Variants in SNX29 observed in about 807,000 individuals in gnomAD.
SNX29 encodes sorting nexin-29.
SNX29 carries 78 observed loss-of-function variants against 102.1 expected under a neutral mutation model. The ratio of observed to expected loss-of-function variants is 0.76; its 90% confidence interval spans 0.64 to 0.92. The LOEUF (loss-of-function observed/expected upper bound fraction) is 0.92. Among genes scored for constraint, SNX29 ranks in the 40% least tolerant of loss-of-function variants. The probability of loss-of-function intolerance (pLI) is 0.00; values close to 1 mark genes in which losing one functional copy is unlikely to be tolerated. For missense variants in SNX29, 1,280 were observed against 1,061.7 expected (o/e 1.21, Z -2.86); for synonymous variants, 580 against 414.5 (o/e 1.40, Z -4.85).
intron 20 of SNX29, among the ~76,000 whole-genome samples, chr16:12,565,322 C>G (rs551727448): frequency 6.6e-4 from 100 of 152,326 alleles, no homozygotes; most frequent in African/African-American, 2.4e-3. Context: ...CCACTGTGCT[C>G]AGCAGTCTGG....
At chr16:12,564,609 C>T (rs145207921) in intron 20 of SNX29, among the ~76,000 whole-genome samples, 9 of 152,036 alleles carry the variant, frequency 5.9e-5, no homozygotes, top group East Asian at 3.9e-4. Context: ...GAAACTGTAA[C>T]AGACCTAGTC....
rs957064445 is a variant in SNX29 at position 12,079,512 on chromosome 16, T to C, written c.1402+597T>C. Reference sequence around the variant, plus strand: ...AGGCAGAGGGGGCACTTGTTCCCAATTAAAAAAAAAAATTAGCTTTTGTTG... The same window carrying C: ...AGGCAGAGGGGGCACTTGTTCCCAACTAAAAAAAAAAATTAGCTTTTGTTG... On this transcript the variant is annotated intron_variant, in intron 11 of 20. Transcript: ENST00000566228. Among the ~76,000 whole-genome samples, 4 of 141,658 alleles carry C rather than the reference T, an allele frequency of 2.8e-5. No individual in the cohort carries two copies. The South Asian group carries it at 8.8e-4, about 31-fold the overall frequency. 92.9% of individuals were successfully genotyped at this position (141,658 alleles called of 152,430 possible).
intron 15 of SNX29, among the ~76,000 whole-genome samples, chr16:12,329,097 C>T (rs1165159608): frequency 6.6e-6 from 1 of 151,506 alleles, no homozygotes. Context: ...CATCAGGAGA[C>T]CCAGTCTCTA....
chr16:12,101,625 C>G (rs1324933743), intron 11 of SNX29, among the ~76,000 whole-genome samples: 2 of 152,128 alleles, frequency 1.3e-5, no homozygotes, highest in Non-Finnish European at 2.9e-5. Flanking sequence ...CTCAAGTGAT[C>G]TGCCTGCCTT....
chr16:12,487,850 T>C (rs910842536), intron 19 of SNX29, among the ~76,000 whole-genome samples: 3 of 152,218 alleles, frequency 2.0e-5, no homozygotes, highest in Non-Finnish European at 4.4e-5. Flanking sequence ...AACCACCATG[T>C]AAATATTCCT....
Position 12,098,266 on chromosome 16 carries a change from T to C in SNX29, c.1402+19351T>C, listed in dbSNP as rs1156889712. On this transcript the variant is annotated intron_variant, in intron 11 of 20. Transcript: ENST00000566228. The surrounding 1 kb of genome is among the most constrained non-coding windows in gnomAD (Gnocchi z 6.0). Reference sequence around the variant, plus strand: ...AAAAATTTGTATTTAAATTTTTGTTTTGCATAAGTATATATTTACATGGAA... The same window carrying C: ...AAAAATTTGTATTTAAATTTTTGTTCTGCATAAGTATATATTTACATGGAA... Among the ~76,000 whole-genome samples, 2 of 152,204 alleles carry C rather than the reference T, an allele frequency of 1.3e-5. No individual in the cohort carries two copies. The highest frequency in any genetic ancestry group is 2.9e-5 in the Non-Finnish European group (2 of 68,030).
At chr16:12,371,560 C>T (rs1461507927) in intron 16 of SNX29, among the ~76,000 whole-genome samples, 5 of 152,232 alleles carry the variant, frequency 3.3e-5, no homozygotes, top group Non-Finnish European at 7.3e-5. Flanking sequence ...CTGCCTCAGC[C>T]TCCCAAAGTG....
intron 20 of SNX29, among the ~76,000 whole-genome samples, chr16:12,536,524 C>A (rs971652206): frequency 2.0e-5 from 3 of 152,150 alleles, no homozygotes; most frequent in Non-Finnish European, 4.4e-5. Context: ...CCTCTATTTT[C>A]CCCTCTGTAA....
At chr16:12,022,658 TTC>T (rs1317280751) in intron 3 of SNX29, among the ~76,000 whole-genome samples, 1 of 152,188 alleles carries the variant, frequency 6.6e-6, no homozygotes, top group African/African-American at 2.4e-5. Context: ...TTAAATGACT[TTC>T]TGTTTCTATA....
chr16:12,451,401 C>T (rs1012083077), intron 18 of SNX29, among the ~76,000 whole-genome samples: 5 of 152,174 alleles, frequency 3.3e-5, no homozygotes, highest in Non-Finnish European at 5.9e-5. Context: ...GGCTGATTGC[C>T]GAGTAGGAGC....
intron 15 of SNX29, among the ~76,000 whole-genome samples, chr16:12,350,508 G>C (rs937964440): frequency 2.6e-5 from 4 of 152,110 alleles, no homozygotes; most frequent in African/African-American, 4.8e-5. Context: ...CACCCATACC[G>C]AGGGATGACT....
intron 15 of SNX29, among the ~76,000 whole-genome samples, chr16:12,327,273 C>T (rs1277641828): frequency 6.6e-6 from 1 of 152,110 alleles, no homozygotes; most frequent in African/African-American, 2.4e-5. Flanking sequence ...TGAGTGACAT[C>T]AGCCTTTGTA....
intron 11 of SNX29, among the ~76,000 whole-genome samples, chr16:12,093,145 A>C (rs1453908243): frequency 6.6e-6 from 1 of 152,224 alleles, no homozygotes; most frequent in Non-Finnish European, 1.5e-5. Context: ...CAGCCCTTAC[A>C]TTGCCACTGT....
intron 14 of SNX29, among the ~76,000 whole-genome samples, chr16:12,211,865 C>A (rs150684880): frequency 2.5e-4 from 38 of 152,104 alleles, no homozygotes; most frequent in African/African-American, 8.2e-4. Flanking sequence ...AACTGTTAAT[C>A]TCATTTAAAA....
At chr16:12,534,946 C>G (rs969485003) in intron 20 of SNX29, among the ~76,000 whole-genome samples, 3 of 152,224 alleles carry the variant, frequency 2.0e-5, no homozygotes, top group African/African-American at 7.2e-5. Context: ...GGCCTCCTCC[C>G]TGCACAGCAG....
intron 18 of SNX29, among the ~76,000 whole-genome samples, chr16:12,432,751 CGAGAG>C (rs2085365466): frequency 6.6e-6 from 1 of 152,152 alleles, no homozygotes; most frequent in South Asian, 2.1e-4. Flanking sequence ...AAAAAGTTGA[CGAGAG>C]GAGAGGCGCT....
intron 19 of SNX29, among the ~76,000 whole-genome samples, chr16:12,506,985 C>G (rs1423330525): frequency 6.6e-6 from 1 of 152,206 alleles, no homozygotes; most frequent in Non-Finnish European, 1.5e-5. Context: ...GTCTTGTATG[C>G]TTATCTTGTG....
At chr16:12,304,982 C>A (rs754197565) in intron 15 of SNX29, among the ~76,000 whole-genome samples, 1 of 152,162 alleles carries the variant, frequency 6.6e-6, no homozygotes, top group South Asian at 2.1e-4. Flanking sequence ...ACACTTAATG[C>A]TAAAATGCAA....
intron 15 of SNX29, among the ~76,000 whole-genome samples, chr16:12,285,820 C>G (rs1452448079): frequency 1.3e-5 from 2 of 152,150 alleles, no homozygotes; most frequent in Non-Finnish European, 2.9e-5. Context: ...TAAACTGATA[C>G]TCAAAATGAA....
Sources: allele counts gnomAD v4.1 joint callset (sites outside exome capture counted in the v4.1 genomes callset), GRCh38; gene constraint gnomAD v4.1.1; non-coding constraint Gnocchi (gnomAD v3.1); transcripts MANE v1.5; gene names NCBI Gene and HGNC (gene_info 2026-07-23, HGNC 2026-07-21).